The following PFN4 variants were observed in gnomAD, a reference collection of about 807,000 sequenced individuals.
The protein encoded by PFN4 is profilin-4.
A neutral mutation model predicts 16.3 loss-of-function variants in PFN4; 10 were observed. The observed-to-expected ratio is 0.61, with a 90% CI of 0.38 to 1.04. The LOEUF is 1.04. Ranked by LOEUF, PFN4 falls within the 50% of genes least tolerant of loss-of-function variation. The probability of loss-of-function intolerance (pLI) is 0.01; values close to 1 mark genes in which losing one functional copy is unlikely to be tolerated. For synonymous variants in PFN4, 54 were observed against 56.9 expected, an observed-to-expected ratio of 0.95 and a Z score of 0.23; for missense variants, 136 against 153.6, an observed-to-expected ratio of 0.89 and a Z score of 0.61.
intron 4 of PFN4, among the ~76,000 whole-genome samples, chr2:24,117,951 C>T (rs948707685): frequency 2.6e-5 from 4 of 152,144 alleles, no homozygotes; most frequent in African/African-American, 9.7e-5. Flanking sequence ...ATATTAATGG[C>T]GTGATGCCAG....
intron 4 of PFN4, 71 bp downstream of exon 4, chr2:24,119,506 T>A: frequency 9.0e-7 from 1 of 1,110,400 alleles, no homozygotes; most frequent in Non-Finnish European, 1.3e-6. Flanking sequence ...TTGAGTTGGA[T>A]CTCTGTTACT....
chr2:24,118,273 A>C (rs142910376), intron 4 of PFN4, among the ~76,000 whole-genome samples: 29 of 152,250 alleles, frequency 1.9e-4, no homozygotes, highest in African/African-American at 6.7e-4. Flanking sequence ...CCTCCTTCAA[A>C]TCCTGACATC....
intron 4 of PFN4, among the ~76,000 whole-genome samples, chr2:24,118,358 A>T (rs970452004): frequency 1.3e-5 from 2 of 152,218 alleles, no homozygotes; most frequent in Non-Finnish European, 2.9e-5. Context: ...AGTTTCTGTG[A>T]TAAACTTAAT....
intron 1 of PFN4, chr2:24,122,787 C>T (rs1666162109): frequency 2.9e-6 from 1 of 349,370 alleles, no homozygotes; most frequent in Non-Finnish European, 5.1e-6. Context: ...TGGAAAATCA[C>T]AGCCTGGTGA....
intron 3 of PFN4, among the ~76,000 whole-genome samples, 200 bp from the exon 4 acceptor site, chr2:24,119,882 C>G (rs958440814): frequency 2.4e-4 from 37 of 152,286 alleles, no homozygotes; most frequent in African/African-American, 8.9e-4. Context: ...ATTTAGTTGC[C>G]TTTCCTCAAA....
At chr2:24,119,180 C>T (rs1386340392) in intron 4 of PFN4, among the ~76,000 whole-genome samples, 1 of 152,140 alleles carries the variant, frequency 6.6e-6, no homozygotes, top group Non-Finnish European at 1.5e-5. Flanking sequence ...TGTCTCCCCC[C>T]TCCCCTATCC....
At chr2:24,118,215 A>C (rs56113233) in intron 4 of PFN4, among the ~76,000 whole-genome samples, 21,608 of 152,140 alleles carry the variant, frequency 0.14, 1,925 homozygotes, top group South Asian at 0.21. Context: ...CTGGCTCTCT[A>C]TGTCTCTGTT....
At chr2:24,119,922 T>C (rs1202237518) in intron 3 of PFN4, among the ~76,000 whole-genome samples, 1 of 152,198 alleles carries the variant, frequency 6.6e-6, no homozygotes, top group Non-Finnish European at 1.5e-5. Flanking sequence ...TAATGGTAGA[T>C]GGATTTTGAA....
rs1666184076 is a variant in PFN4, at chr2:24,123,281, C to CAAGG, written c.-180_-177dup. 1 of 152,350 alleles carries CAAGG rather than the reference C, an allele frequency of 6.6e-6. No individual in the cohort carries two copies. Among genetic ancestry groups the CAAGG allele is most frequent in the South Asian group, 2.1e-4 (1 of 4,826 alleles). The allele number at this position is 152,350 out of a possible 1,614,324, so 9.4% of individuals were successfully genotyped here. A position where few individuals can be genotyped will look rare whatever the true frequency, so the allele number is the denominator to read the frequency against. On this transcript the variant is annotated 5_prime_UTR_variant, in exon 1 of 5. Coordinates refer to ENST00000313213, the MANE Select transcript of PFN4 (RefSeq NM_199346.3). ...GTGGTGCCCGCAAGGACCCGGCGAC[C>CAAGG]AAGGACCCGACCGTCAACGGACGCG...
In PFN4 at chr2:24,119,600, C is replaced by CA; in HGVS notation, c.337dup (p.Cys113LeufsTer35). On this transcript the variant is annotated frameshift_variant, in exon 4 of 5. Coordinates refer to ENST00000313213, the MANE Select transcript of PFN4 (RefSeq NM_199346.3). LOFTEE classifies it high-confidence loss of function. ...ACCCAGGCTCTCTGTGGCTTCCACA[C>CA]AGATGCTAGGATACATGCCCTCAGT... The CA allele has an allele frequency of 6.2e-7, 1 of 1,613,804 alleles. No individual in the cohort carries two copies. The highest frequency in any genetic ancestry group is 8.5e-7 in the Non-Finnish European group (1 of 1,179,800).
upstream of PFN4, chr2:24,123,469 G>A (rs1425931422): frequency 6.6e-6 from 1 of 152,200 alleles, no homozygotes; most frequent in African/African-American, 2.4e-5. Context: ...CCGCCCGCGC[G>A]GACTCGCTGT....
chr2:24,116,885 AAAAG>A (rs1360305064), intron 4 of PFN4, among the ~76,000 whole-genome samples: 1 of 148,520 alleles, frequency 6.7e-6, no homozygotes, highest in Non-Finnish European at 1.5e-5. Context: ...TCAAAAAAAA[AAAAG>A]AAAAAGAAAA....
chr2:24,117,296 G>A (rs532573879), intron 4 of PFN4, among the ~76,000 whole-genome samples: 9 of 152,252 alleles, frequency 5.9e-5, no homozygotes, highest in East Asian at 1.9e-4. Context: ...GATTACAGGC[G>A]TGAGCCACTG....
intron 4 of PFN4, among the ~76,000 whole-genome samples, chr2:24,116,713 G>C (rs928219927): frequency 2.0e-5 from 3 of 151,784 alleles, no homozygotes; most frequent in African/African-American, 7.3e-5. Flanking sequence ...ACATTAGCCT[G>C]TGTGGTGGCA....
At chr2:24,117,711 G>A (rs1270534615) in intron 4 of PFN4, among the ~76,000 whole-genome samples, 2 of 152,162 alleles carry the variant, frequency 1.3e-5, no homozygotes, top group African/African-American at 4.8e-5. Flanking sequence ...CCAAAGTGCT[G>A]AGATTACAGG....
chr2:24,120,279 AC>A (rs1666065912), intron 3 of PFN4, among the ~76,000 whole-genome samples: 1 of 150,610 alleles, frequency 6.6e-6, no homozygotes, highest in Admixed American at 6.6e-5. Flanking sequence ...AAAAAAAAAA[AC>A]AACAACAAAA....
chr2:24,117,370 TTTTC>T (rs1665954181), intron 4 of PFN4, among the ~76,000 whole-genome samples: 1 of 152,186 alleles, frequency 6.6e-6, no homozygotes, highest in Admixed American at 6.5e-5. Flanking sequence ...TATTTAAAGG[TTTTC>T]TTTAATTAAT....
chr2:24,117,337 T>C (rs1665952945), intron 4 of PFN4, among the ~76,000 whole-genome samples: 1 of 152,130 alleles, frequency 6.6e-6, no homozygotes, highest in Non-Finnish European at 1.5e-5. Flanking sequence ...GTGACAGAAG[T>C]AGCATAGCAT....
rs190850045 is a variant in PFN4 at position 24,120,665 on chromosome 2, C to T, written c.255+498G>A. Among the ~76,000 whole-genome samples the T allele has an allele frequency of 1.2e-3, 190 of 152,136 alleles. 3 individuals carry two copies. The highest frequency in any genetic ancestry group is 3.5e-4 in the Non-Finnish European group (24 of 68,002). On this transcript the variant is annotated intron_variant, in intron 3 of 4. Coordinates refer to ENST00000313213, the MANE Select transcript of PFN4 (RefSeq NM_199346.3). ...CTGCCTTCTGGATTCAAGAAATTCT[C>T]CTGCCTCAGCCTCCCAAGTAGCTGG...
Sources: allele counts gnomAD v4.1 joint callset (sites outside exome capture counted in the v4.1 genomes callset), GRCh38; gene constraint gnomAD v4.1.1; transcripts MANE v1.5; gene names NCBI Gene and HGNC (gene_info 2026-07-23, HGNC 2026-07-21).